Variants in FHIT observed in about 807,000 individuals in gnomAD.
FHIT encodes the protein bis(5'-adenosyl)-triphosphatase.
In FHIT, 19 loss-of-function variants were observed where a neutral mutation model predicts 17.9. The observed-to-expected ratio is 1.06, with a 90% confidence interval of 0.74 to 1.56. The LOEUF (loss-of-function observed/expected upper bound fraction) is 1.56. Ranked by LOEUF, FHIT falls within the 40% of genes most tolerant of loss-of-function variation. The pLI, the probability that FHIT is intolerant of heterozygous loss-of-function variation, is 0.00. For missense variants in FHIT, 248 were observed against 189.2 expected (o/e 1.31, Z -1.82); for synonymous variants, 81 against 69.7 (o/e 1.16, Z -0.81).
At position 60,315,771 on chromosome 3, in the gene FHIT, CTGG is replaced by C. The variant is rs1399757118; in HGVS notation, c.103+221086_103+221088del. On this transcript the variant is annotated intron_variant, in intron 5 of 9. Transcript: ENST00000492590. ...GTTATGAACATTCTCATACATCTTC[CTGG>C]TGGACAAATGCACTCATTTCTCTTG... 1.6e-4 allele frequency among the ~76,000 whole-genome samples: 25 copies of C among 152,280 alleles called. No individual in the cohort carries two copies. In the East Asian group the frequency reaches 2.9e-3, roughly 18 times the overall value.
chr3:60,982,389 A>G (rs1710533733), intron 3 of FHIT, among the ~76,000 whole-genome samples: 1 of 152,238 alleles, frequency 6.6e-6, no homozygotes, highest in Admixed American at 6.5e-5. Context: ...TTCAGTTCCT[A>G]CACATGGAAA....
At chr3:60,652,918 C>CAAAA (rs2040027778) in intron 4 of FHIT, among the ~76,000 whole-genome samples, 1 of 113,168 alleles carries the variant, frequency 8.8e-6, no homozygotes, top group South Asian at 3.2e-4. Context: ...TCAAACAAAA[C>CAAAA]AAAACAAAAC....
chr3:60,219,278 A>G (rs573470774), intron 5 of FHIT, among the ~76,000 whole-genome samples: 1 of 152,192 alleles, frequency 6.6e-6, no homozygotes. Flanking sequence ...TTCCTAGGCC[A>G]CTGGACTCTT....
chr3:60,120,672 A>G (rs919768018), intron 5 of FHIT, among the ~76,000 whole-genome samples: 1 of 152,106 alleles, frequency 6.6e-6, no homozygotes, highest in Non-Finnish European at 1.5e-5. Context: ...AGCCTATTTT[A>G]AAATATTCAA....
rs144878193 is a variant in FHIT, at chr3:60,102,233, G to A, written c.104-88081C>T. ...AACAACATCTCAATCACTACGCTCA[G>A]TATAGATTGAGGCTGAGGGCCGCCA... On this transcript the variant is annotated intron_variant, in intron 5 of 9. Transcript: ENST00000492590. Among the ~76,000 whole-genome samples, 1,090 of 152,334 alleles carry A rather than the reference G, an allele frequency of 7.2e-3. 9 individuals are homozygous for A. Among genetic ancestry groups the A allele is most frequent in the African/African-American group, 0.025 (1,038 of 41,586 alleles).
At position 60,785,928 on chromosome 3, in the gene FHIT, C is replaced by CAGAGAGAG. The variant is rs1427559791; in HGVS notation, c.-18+35990_-18+35991insCTCTCTCT. Among the ~76,000 whole-genome samples, 189 of 124,010 alleles carry CAGAGAGAG rather than the reference C, an allele frequency of 1.5e-3. 1 individual carries two copies. Among genetic ancestry groups the CAGAGAGAG allele is most frequent in the African/African-American group, 5.1e-3 (175 of 34,456 alleles). The allele number at this position is 124,010 out of a possible 152,430, so 81.4% of individuals were successfully genotyped here. On this transcript the variant is annotated intron_variant, in intron 4 of 9. Transcript: ENST00000492590. The stretch of plus-strand genomic sequence containing the variant: ...ACACACACACACACACACACACACA[C>CAGAGAGAG]ACACACAGAGAGAGTACTTTTCAAG...
At chr3:60,868,786 C>T (rs1294162739) in intron 3 of FHIT, among the ~76,000 whole-genome samples, 1 of 152,020 alleles carries the variant, frequency 6.6e-6, no homozygotes, top group Admixed American at 6.6e-5. Flanking sequence ...ATTCTCAAAG[C>T]GAAGCTCCAG....
At chr3:61,171,085 CT>C in intron 2 of FHIT, among the ~76,000 whole-genome samples, 1 of 152,266 alleles carries the variant, frequency 6.6e-6, no homozygotes, top group East Asian at 1.9e-4. Context: ...TATAAACATT[CT>C]TTTTTCTCCA....
chr3:61,163,979 G>C (rs2037766630), intron 2 of FHIT, among the ~76,000 whole-genome samples: 1 of 152,144 alleles, frequency 6.6e-6, no homozygotes, highest in African/African-American at 2.4e-5. Flanking sequence ...CAACACAGTA[G>C]ATCCATGGAT....
chr3:60,845,275 T>C (rs1474990926), intron 3 of FHIT, among the ~76,000 whole-genome samples: 2 of 151,902 alleles, frequency 1.3e-5, no homozygotes, highest in Non-Finnish European at 2.9e-5. Flanking sequence ...TGCAGAATTA[T>C]GTGAACAATA....
intron 5 of FHIT, among the ~76,000 whole-genome samples, chr3:60,018,883 G>C (rs1700446398): frequency 6.6e-6 from 1 of 152,194 alleles, no homozygotes. Context: ...AGGAGGCAGA[G>C]ACAGAAGAAT....
chr3:61,222,722 T>C (rs1490882588), intron 1 of FHIT, among the ~76,000 whole-genome samples: 1 of 151,988 alleles, frequency 6.6e-6, no homozygotes, highest in Non-Finnish European at 1.5e-5. Context: ...AGGATTACAG[T>C]ACTAGATACT....
intron 4 of FHIT, among the ~76,000 whole-genome samples, chr3:60,550,404 T>C (rs1233313165): frequency 2.6e-5 from 4 of 152,144 alleles, no homozygotes; most frequent in African/African-American, 7.2e-5. Flanking sequence ...CAAACAAGAA[T>C]ACCTGTAACA....
chr3:60,414,889 T>C (rs1326114164), intron 5 of FHIT, among the ~76,000 whole-genome samples: 1 of 152,186 alleles, frequency 6.6e-6, no homozygotes, highest in African/African-American at 2.4e-5. Context: ...AGATAATCTT[T>C]ATTAGTATTT....
At chr3:60,612,226 T>A (rs2038807610) in intron 4 of FHIT, among the ~76,000 whole-genome samples, 1 of 152,116 alleles carries the variant, frequency 6.6e-6, no homozygotes, top group South Asian at 2.1e-4. Flanking sequence ...ACTGTGAAAC[T>A]CTCAATAAGT....
intron 5 of FHIT, among the ~76,000 whole-genome samples, chr3:60,340,497 C>A (rs1710462841): frequency 6.6e-6 from 1 of 152,146 alleles, no homozygotes; most frequent in Non-Finnish European, 1.5e-5. Context: ...CTGCTCTGAA[C>A]AGATACAAAT....
In FHIT at chr3:60,848,371, A is replaced by AT. The variant is rs1445564043; in HGVS notation, c.-110-26361dup. Among the ~76,000 whole-genome samples the AT allele has an allele frequency of 3.3e-5, 5 of 152,080 alleles. No individual in the cohort carries two copies. In the East Asian group the frequency reaches 7.7e-4, roughly 23 times the overall value. On this transcript the variant is annotated intron_variant, in intron 3 of 9. Coordinates refer to ENST00000492590, the MANE Select transcript of FHIT (RefSeq NM_002012.4). ...TTTTTGCAATTTTAACTAAAAGGAGATTTTTAGACTTTTGGAAAGTCATGG... is the reference window on the plus strand; with the variant it reads ...TTTTTGCAATTTTAACTAAAAGGAGATTTTTTAGACTTTTGGAAAGTCATGG...
intron 3 of FHIT, among the ~76,000 whole-genome samples, chr3:60,919,395 C>T (rs1707163711): frequency 7.2e-6 from 1 of 138,872 alleles, no homozygotes; most frequent in South Asian, 2.2e-4. Flanking sequence ...CAATCACAAC[C>T]ACAGTTTTTT....
intron 8 of FHIT, among the ~76,000 whole-genome samples, chr3:59,881,323 A>G (rs1482239242): frequency 1.3e-5 from 2 of 152,164 alleles, no homozygotes; most frequent in Non-Finnish European, 2.9e-5. Context: ...TCTTTTTTAA[A>G]CATATTTGAT....
Sources: gnomAD v4.1 joint callset for allele counts (sites outside exome capture counted in the v4.1 genomes callset) on GRCh38, gnomAD v4.1.1 for gene constraint, MANE v1.5 for transcripts, NCBI Gene and HGNC (gene_info 2026-07-23, HGNC 2026-07-21) for gene names.